CSMD1: variants seen among roughly 807,000 people sequenced by gnomAD.
CSMD1 encodes CUB and Sushi multiple domains 1, also known as CUB and sushi domain-containing protein 1.
CSMD1 carries 213 observed loss-of-function variants against 417.5 expected under a neutral mutation model. The ratio of observed to expected loss-of-function variants is 0.51; its 90% CI spans 0.46 to 0.57. The LOEUF (loss-of-function observed/expected upper bound fraction) is 0.57. Among genes scored for constraint, CSMD1 ranks in the 20% least tolerant of loss-of-function variants. CSMD1 has a pLI of 0.00. For missense variants in CSMD1, 6,923 were observed against 4,529.7 expected, an observed-to-expected ratio of 1.53 and a Z score of -15.17; for synonymous variants, 2,862 against 1,736.8, an observed-to-expected ratio of 1.65 and a Z score of -16.11.
intron 29 of CSMD1, among the ~76,000 whole-genome samples, chr8:3,217,984 C>G (rs981096511): frequency 1.1e-4 from 16 of 152,082 alleles, no homozygotes; most frequent in African/African-American, 3.9e-4. Context: ...TTGTAATACA[C>G]CTTGTATTTT....
intron 10 of CSMD1, among the ~76,000 whole-genome samples, chr8:3,570,831 TC>T (rs1215213530): frequency 1.6e-4 from 25 of 152,302 alleles, no homozygotes; most frequent in Non-Finnish European, 2.1e-4. Context: ...AGTTTCACTT[TC>T]CGGGATCTTG....
chr8:3,544,504 T>A (rs766572267), intron 10 of CSMD1, among the ~76,000 whole-genome samples: 1 of 152,118 alleles, frequency 6.6e-6, no homozygotes, highest in Non-Finnish European at 1.5e-5. Context: ...ACGTTCTGAA[T>A]AAACTTGCCT....
At chr8:4,087,753 T>G (rs1313389574) in intron 3 of CSMD1, among the ~76,000 whole-genome samples, 2 of 152,208 alleles carry the variant, frequency 1.3e-5, no homozygotes, top group African/African-American at 2.4e-5. Context: ...TCCCGTTCTC[T>G]TAATCTTCTT....
intron 3 of CSMD1, among the ~76,000 whole-genome samples, chr8:4,239,965 C>G (rs1228097953): frequency 1.3e-5 from 2 of 152,128 alleles, no homozygotes; most frequent in Non-Finnish European, 2.9e-5. Flanking sequence ...AAATCCAAAC[C>G]TCTTTTACCA....
chr8:4,920,896 G>T lies in CSMD1; in HGVS notation c.85+73436C>A, dbSNP rs1298714724. 4.0e-4 allele frequency among the ~76,000 whole-genome samples: 15 copies of T among 37,544 alleles called. 1 individual carries two copies. The highest frequency in any genetic ancestry group is 1.2e-4 in the Non-Finnish European group (2 of 16,126). The allele number at this position is 37,544 out of a possible 152,430, so 24.6% of individuals were successfully genotyped here. ...GAAAAGAAAAGAAAAGAAAAGAAAA[G>T]AAAAGAAAAGAAAAGAAAAGAAAAG... is the stretch of plus-strand genomic sequence containing the variant. On this transcript the variant is annotated intron_variant, in intron 1 of 69. Transcript: ENST00000635120.
At chr8:3,614,475 G>T (rs1330213223) in intron 8 of CSMD1, among the ~76,000 whole-genome samples, 1 of 152,142 alleles carries the variant, frequency 6.6e-6, no homozygotes, top group Non-Finnish European at 1.5e-5. Flanking sequence ...CCTAGGATAT[G>T]ATTAAAACTT....
At chr8:4,803,042 C>T (rs1798392568) in intron 1 of CSMD1, among the ~76,000 whole-genome samples, 1 of 152,114 alleles carries the variant, frequency 6.6e-6, no homozygotes, top group African/African-American at 2.4e-5. Context: ...GGTGCCATTT[C>T]TAATTCAATA....
intron 1 of CSMD1, among the ~76,000 whole-genome samples, chr8:4,838,117 T>C (rs1012621799): frequency 6.6e-6 from 1 of 152,018 alleles, no homozygotes; most frequent in African/African-American, 2.4e-5. Context: ...AGAAAAACAG[T>C]AAAACTTTTT....
At chr8:3,060,151 C>CATT (rs1812497018) in intron 49 of CSMD1, among the ~76,000 whole-genome samples, 1 of 140,080 alleles carries the variant, frequency 7.1e-6, no homozygotes, top group African/African-American at 2.6e-5. Flanking sequence ...TTACTAACAA[C>CATT]TTTTTTTTTT....
At chr8:3,369,133 G>C (rs1482067995) in intron 19 of CSMD1, 121 bp downstream of exon 19, 1 of 554,652 alleles carries the variant, frequency 1.8e-6, no homozygotes, top group Non-Finnish European at 3.2e-6. Flanking sequence ...TTAAAATCTT[G>C]AACTATACAT....
chr8:3,408,488 T>G (rs1006285040), intron 13 of CSMD1, among the ~76,000 whole-genome samples: 8 of 150,792 alleles, frequency 5.3e-5, no homozygotes, highest in Non-Finnish European at 1.2e-4. Flanking sequence ...TCCTTTCCAG[T>G]TGACTGAAAA....
At chr8:4,338,957 TG>T (rs1800324704) in intron 3 of CSMD1, among the ~76,000 whole-genome samples, 1 of 152,104 alleles carries the variant, frequency 6.6e-6, no homozygotes, top group African/African-American at 2.4e-5. Context: ...AACATAGGTC[TG>T]GGCATACAGT....
intron 1 of CSMD1, among the ~76,000 whole-genome samples, chr8:4,867,371 C>T (rs567214549): frequency 6.6e-6 from 1 of 151,974 alleles, no homozygotes; most frequent in Admixed American, 6.5e-5. Context: ...AATAGTTGGC[C>T]AACACTTAAT....
chr8:3,070,625 T>G (rs1224281387), intron 49 of CSMD1, among the ~76,000 whole-genome samples: 1 of 152,214 alleles, frequency 6.6e-6, no homozygotes, highest in Non-Finnish European at 1.5e-5. Flanking sequence ...CATTTCCATC[T>G]GAGACCCCAT....
intron 2 of CSMD1, among the ~76,000 whole-genome samples, chr8:4,457,379 G>A (rs916436907): frequency 5.3e-5 from 8 of 152,200 alleles, no homozygotes; most frequent in African/African-American, 1.2e-4. Flanking sequence ...GGGGCTTCCC[G>A]AGGTCTGGAA....
chr8:4,535,916 A>T (rs942979432), intron 2 of CSMD1, among the ~76,000 whole-genome samples: 4 of 152,174 alleles, frequency 2.6e-5, no homozygotes, highest in African/African-American at 9.6e-5. Flanking sequence ...TTTGTTGTTG[A>T]TGTTTATAAT....
At chr8:3,198,293 C>G (rs907372106) in intron 33 of CSMD1, among the ~76,000 whole-genome samples, 6 of 152,070 alleles carry the variant, frequency 3.9e-5, no homozygotes, top group African/African-American at 1.4e-4. Context: ...TTTAGTGTTT[C>G]CAGGAGAAAA....
intron 5 of CSMD1, among the ~76,000 whole-genome samples, chr8:3,831,801 T>C (rs1051242031): frequency 6.6e-6 from 1 of 152,194 alleles, no homozygotes; most frequent in African/African-American, 2.4e-5. Flanking sequence ...CACGCGGGAC[T>C]GTGAAATGCT....
chr8:3,549,729 C>A (rs115128203), intron 10 of CSMD1, among the ~76,000 whole-genome samples: 1 of 152,122 alleles, frequency 6.6e-6, no homozygotes, highest in South Asian at 2.1e-4. Flanking sequence ...AAAGTTCCCA[C>A]CAGCAAGAAG....
Sources: allele counts gnomAD v4.1 joint callset (sites outside exome capture counted in the v4.1 genomes callset), GRCh38; gene constraint gnomAD v4.1.1; transcripts MANE v1.5; gene names NCBI Gene and HGNC (gene_info 2026-07-23, HGNC 2026-07-21).